The following ZNF397 variants were observed in gnomAD, a reference collection of about 807,000 sequenced individuals.
ZNF397 encodes the protein zinc finger and SCAN domain-containing protein 15.
In ZNF397, 38 loss-of-function variants were observed where a neutral mutation model predicts 50.6. The ratio of observed to expected loss-of-function variants is 0.75; its 90% CI spans 0.58 to 0.98. The LOEUF (loss-of-function observed/expected upper bound fraction) is 0.98. Among genes scored for constraint, ZNF397 ranks in the 50% least tolerant of loss-of-function variants. The pLI is 0.00. For missense variants in ZNF397, 624 were observed against 624.1 expected (o/e 1.00, Z 0.00); for synonymous variants, 228 against 215.2 (o/e 1.06, Z -0.52).
Position 35,246,707 on chromosome 18 carries a change from T to TAAAA in ZNF397, c.*410_*413dup, listed in dbSNP as rs879008742. On this transcript the variant is annotated 3_prime_UTR_variant, in exon 4 of 4. Coordinates refer to ENST00000330501, the MANE Select transcript of ZNF397 (RefSeq NM_001135178.3). ...GTGTGAGGCACTTCGTCTCAGGAAC[T>TAAAA]AAAAAAAAAAAAAAAACTGACCCAA... The TAAAA allele has an allele frequency of 2.1e-6, 2 of 933,220 alleles. No homozygotes were observed. The highest frequency in any genetic ancestry group is 1.2e-6 in the Non-Finnish European group (1 of 801,548). 57.8% of individuals were successfully genotyped at this position (933,220 alleles called of 1,614,324 possible).
At chr18:35,250,945 A>C (rs2043571266), downstream of ZNF397, 1 of 152,208 alleles carries the variant, frequency 6.6e-6, no homozygotes, top group African/African-American at 2.4e-5. Flanking sequence ...CAGAAAATAG[A>C]AACTGAGAAC....
At position 35,242,541 on chromosome 18, in the gene ZNF397, T is replaced by C; in HGVS notation, c.71T>C (p.Val24Ala). 1 of 1,614,198 alleles carries C rather than the reference T, an allele frequency of 6.2e-7. No individual in the cohort carries two copies. The highest frequency in any genetic ancestry group is 8.5e-7 in the Non-Finnish European group (1 of 1,180,032). ...QDPPEQELILVKVEDNFSWDE... is the reference protein window; with the variant it reads ...QDPPEQELILAKVEDNFSWDE... Reference sequence around the variant, plus strand: ...CCTCCGGAACAAGAACTAATACTAGTGAAAGTAGAAGATAACTTTTCCTGG... The same window carrying C: ...CCTCCGGAACAAGAACTAATACTAGCGAAAGTAGAAGATAACTTTTCCTGG... Residue 24 changes from valine (V) to alanine (A), a missense_variant, in exon 2 of 4, where the codon GTG (valine) becomes GCG (alanine). Coordinates refer to ENST00000330501, the MANE Select transcript of ZNF397 (RefSeq NM_001135178.3).
In ZNF397 at chr18:35,247,018, G is replaced by C; in HGVS notation, c.*708G>C. The stretch of plus-strand genomic sequence containing the variant: ...GACTCAGCCTTGGATAAGGAAATGG[G>C]GGAAATGGCCTGAAGGATGAGGAGG... On this transcript the variant is annotated 3_prime_UTR_variant, in exon 4 of 4. Coordinates refer to ENST00000330501, the MANE Select transcript of ZNF397 (RefSeq NM_001135178.3). 1 of 922,092 alleles carries C rather than the reference G, an allele frequency of 1.1e-6. No individual in the cohort carries two copies. Among genetic ancestry groups the C allele is most frequent in the East Asian group, 1.2e-4 (1 of 8,486 alleles). The allele number at this position is 922,092 out of a possible 1,614,324, so 57.1% of individuals were successfully genotyped here.
At chr18:35,255,512 C>T (rs528572580) in intron 5 of ZNF397, among the ~76,000 whole-genome samples, 20 of 152,216 alleles carry the variant, frequency 1.3e-4, no homozygotes, top group African/African-American at 4.8e-4. Flanking sequence ...AACATCAAAA[C>T]TTGTAATCTT....
chr18:35,253,975 C>T (rs763109614), downstream of ZNF397: 1 of 1,614,206 alleles, frequency 6.2e-7, no homozygotes, highest in Non-Finnish European at 8.5e-7. Flanking sequence ...TATGAATTCT[C>T]TGATGTCTAA....
At chr18:35,250,694 A>C (rs2043564325), downstream of ZNF397, among the ~76,000 whole-genome samples, 1 of 152,192 alleles carries the variant, frequency 6.6e-6, no homozygotes, top group South Asian at 2.1e-4. Context: ...CCACAGGTCT[A>C]AGCTTGGTCC....
chr18:35,244,893 A>G (rs1165753568), intron 3 of ZNF397, among the ~76,000 whole-genome samples: 2 of 151,978 alleles, frequency 1.3e-5, no homozygotes, highest in Non-Finnish European at 2.9e-5. Context: ...AAACCACTTG[A>G]GAGAGAGTGA....
chr18:35,246,351 T>G lies in ZNF397; in HGVS notation c.*41T>G. 6.8e-7 allele frequency: 1 copy of G among 1,475,392 alleles called. No individual in the cohort carries two copies. Among genetic ancestry groups the G allele is most frequent in the East Asian group, 2.5e-5 (1 of 40,392 alleles). 91.4% of individuals were successfully genotyped at this position (1,475,392 alleles called of 1,614,324 possible). On this transcript the variant is annotated 3_prime_UTR_variant, in exon 4 of 4. Coordinates refer to ENST00000330501, the MANE Select transcript of ZNF397 (RefSeq NM_001135178.3). ...AATAGTGTAAATACTTCAGTCAGAT[T>G]TTTAAGTTTGTTAGTCAAAAGAGTT...
At chr18:35,256,879 T>A (rs1230452740) in intron 5 of ZNF397, among the ~76,000 whole-genome samples, 2 of 152,142 alleles carry the variant, frequency 1.3e-5, no homozygotes, top group East Asian at 1.9e-4. Flanking sequence ...ACTCAAGGGA[T>A]CCTCCCACCT....
chr18:35,242,525 C>A lies in ZNF397; in HGVS notation c.55C>A (p.Gln19Lys), dbSNP rs1428690726. ...STLIPQDPPE[Q>K]ELILVKVEDN... ...CCTGATACCTCAGGATCCTCCGGAACAAGAACTAATACTAGTGAAAGTAGA... is the reference window on the plus strand; with the variant it reads ...CCTGATACCTCAGGATCCTCCGGAAAAAGAACTAATACTAGTGAAAGTAGA... The change falls in exon 2 of 4, where the codon CAA becomes AAA. Residue 19 changes from glutamine to lysine, a missense_variant. Coordinates refer to ENST00000330501, the MANE Select transcript of ZNF397 (RefSeq NM_001135178.3). 1 of 1,614,048 alleles carries A rather than the reference C, an allele frequency of 6.2e-7. No individual in the cohort carries two copies. The highest frequency in any genetic ancestry group is 8.5e-7 in the Non-Finnish European group (1 of 1,180,036).
rs2043535593 is a variant in ZNF397, at chr18:35,249,463, C to A, written c.*3153C>A. 1 of 151,808 alleles carries A rather than the reference C, an allele frequency of 6.6e-6. No homozygotes were observed. The highest frequency in any genetic ancestry group is 1.5e-5 in the Non-Finnish European group (1 of 67,978). The allele number at this position is 151,808 out of a possible 1,614,324, so 9.4% of individuals were successfully genotyped here. A position where few individuals can be genotyped will look rare whatever the true frequency, so the allele number is the denominator to read the frequency against. On this transcript the variant is annotated 3_prime_UTR_variant, in exon 4 of 4. Transcript: ENST00000330501. Reference sequence around the variant, plus strand: ...GATCAGGAGTTCGAGACCAGCCTGACCAATATGGTGAAACCCCGTCTCTAC... The same window carrying A: ...GATCAGGAGTTCGAGACCAGCCTGAACAATATGGTGAAACCCCGTCTCTAC...
chr18:35,251,222 C>T (rs2043581187), downstream of ZNF397: 1 of 152,064 alleles, frequency 6.6e-6, no homozygotes, highest in Non-Finnish European at 1.5e-5. Context: ...AGAAAGTACT[C>T]CAAAATGTTA....
At chr18:35,244,862 C>T (rs1216468439) in intron 3 of ZNF397, among the ~76,000 whole-genome samples, 1 of 152,052 alleles carries the variant, frequency 6.6e-6, no homozygotes, top group Non-Finnish European at 1.5e-5. Flanking sequence ...CAAGAAATCA[C>T]TATGAGAGAG....
In ZNF397 at chr18:35,246,405, ATAAAATAC is replaced by A; in HGVS notation, c.*98_*105del. ...TTTGGAGCAAAACTCCATAAAGGTT[ATAAAATAC>A]TAGGTCTTGAGTCTAGCTTGCTTTG... On this transcript the variant is annotated 3_prime_UTR_variant, in exon 4 of 4. Coordinates refer to ENST00000330501, the MANE Select transcript of ZNF397 (RefSeq NM_001135178.3). 1 of 1,458,264 alleles carries A rather than the reference ATAAAATAC, an allele frequency of 6.9e-7. No individual in the cohort carries two copies. The highest frequency in any genetic ancestry group is 1.5e-5 in the South Asian group (1 of 66,266). 90.3% of individuals were successfully genotyped at this position (1,458,264 alleles called of 1,614,324 possible).
downstream of ZNF397, among the ~76,000 whole-genome samples, chr18:35,250,134 A>C (rs1018613288): frequency 2.6e-5 from 4 of 152,234 alleles, no homozygotes; most frequent in African/African-American, 9.6e-5. Flanking sequence ...TGGGTGCAAA[A>C]GGAATTCTTG....
rs1025395643 is a variant in ZNF397, at chr18:35,246,453, G to A, written c.*143G>A. ...AGCTTGCTTTGTGCAGCATTTCCCA[G>A]TGCTAATGTAAAGTGTCCCTTGAAA... is the stretch of plus-strand genomic sequence containing the variant. On this transcript the variant is annotated 3_prime_UTR_variant, in exon 4 of 4. Transcript: ENST00000330501. 7.7e-6 allele frequency: 11 copies of A among 1,434,486 alleles called. No homozygotes were observed. The African/African-American group carries it at 1.6e-4, about 21-fold the overall frequency. 88.9% of individuals were successfully genotyped at this position (1,434,486 alleles called of 1,614,324 possible).
At chr18:35,254,780 AG>A (rs2043738191), downstream of ZNF397, among the ~76,000 whole-genome samples, 1 of 152,178 alleles carries the variant, frequency 6.6e-6, no homozygotes, top group Non-Finnish European at 1.5e-5. Context: ...GATATCTAAG[AG>A]TCTTAAATCT....
downstream of ZNF397, chr18:35,253,987 C>T: frequency 6.2e-7 from 1 of 1,614,144 alleles, no homozygotes; most frequent in Non-Finnish European, 8.5e-7. Context: ...GATGTCTAAT[C>T]AGCTTTGAGC....
At position 35,246,590 on chromosome 18, in the gene ZNF397, C is replaced by A; in HGVS notation, c.*280C>A. ...AAGTGGGAATGTAACATTGAAACCT[C>A]ATTTTGTATGAAAGTGTCATGAATA... On this transcript the variant is annotated 3_prime_UTR_variant, in exon 4 of 4. Coordinates refer to ENST00000330501, the MANE Select transcript of ZNF397 (RefSeq NM_001135178.3). The A allele has an allele frequency of 8.4e-7, 1 of 1,184,022 alleles. No individual in the cohort carries two copies. Among genetic ancestry groups the A allele is most frequent in the Non-Finnish European group, 1.0e-6 (1 of 955,622 alleles). The allele number at this position is 1,184,022 out of a possible 1,614,324, so 73.3% of individuals were successfully genotyped here.
Sources: allele counts gnomAD v4.1 joint callset (sites outside exome capture counted in the v4.1 genomes callset), GRCh38; gene constraint gnomAD v4.1.1; transcripts MANE v1.5; gene names NCBI Gene and HGNC (gene_info 2026-07-23, HGNC 2026-07-21).